PDE1A: variants seen among roughly 807,000 people sequenced by gnomAD.
PDE1A encodes the protein dual specificity calcium/calmodulin-dependent 3',5'-cyclic nucleotide phosphodiesterase 1A.
In PDE1A, 35 loss-of-function variants were observed where a neutral mutation model predicts 61.7. The ratio of observed to expected loss-of-function variants is 0.57; its 90% CI spans 0.43 to 0.75. PDE1A has a LOEUF of 0.75. Ranked by LOEUF, PDE1A falls within the 30% of genes least tolerant of loss-of-function variation. PDE1A has a pLI of 0.00. For missense variants in PDE1A, 597 were observed against 630.6 expected (o/e 0.95, Z 0.57); for synonymous variants, 232 against 213.2 (o/e 1.09, Z -0.77).
At chr2:182,335,123 A>T (rs1000113148) in intron 1 of PDE1A, among the ~76,000 whole-genome samples, 1 of 152,220 alleles carries the variant, frequency 6.6e-6, no homozygotes, top group Non-Finnish European at 1.5e-5. Context: ...GAGAGGACAC[A>T]AACAAATGGA....
the PDE1A span, among the ~76,000 whole-genome samples, chr2:182,597,918 T>G: frequency 6.6e-6 from 1 of 152,364 alleles, no homozygotes; most frequent in East Asian, 1.9e-4. Flanking sequence ...AAATCCTCTT[T>G]TCACCAAATT....
At chr2:182,527,693 T>A (rs942654781), upstream of PDE1A, among the ~76,000 whole-genome samples, 5 of 151,944 alleles carry the variant, frequency 3.3e-5, no homozygotes, top group Admixed American at 2.6e-4. Context: ...TCTAATATGG[T>A]TTGGCTGTGT....
chr2:182,671,338 A>ATTTTTTTTTTT, the PDE1A span, among the ~76,000 whole-genome samples: 147 of 75,208 alleles, frequency 2.0e-3, no homozygotes, highest in East Asian at 2.7e-3. Context: ...CGACTGGCTA[A>ATTTTTTTTTTT]TTTTTTTTTT....
chr2:182,622,632 C>G, the PDE1A span, among the ~76,000 whole-genome samples: 1 of 152,128 alleles, frequency 6.6e-6, no homozygotes, highest in Non-Finnish European at 1.5e-5. Context: ...CAAATTGGTT[C>G]ATACCATCCT....
chr2:182,667,957 C>A, the PDE1A span, among the ~76,000 whole-genome samples: 1 of 152,016 alleles, frequency 6.6e-6, no homozygotes, highest in Non-Finnish European at 1.5e-5. Context: ...TTAGAGTCTG[C>A]TAAGGGAAAG....
At chr2:182,557,507 T>C in the PDE1A span, among the ~76,000 whole-genome samples, 2 of 151,232 alleles carry the variant, frequency 1.3e-5, no homozygotes, top group Admixed American at 1.3e-4. Flanking sequence ...AGCCTAGGAG[T>C]TCAAGACCAG....
chr2:182,484,687 T>A (rs562854945), intron 2 of PDE1A, among the ~76,000 whole-genome samples: 1 of 151,618 alleles, frequency 6.6e-6, no homozygotes, highest in Admixed American at 6.6e-5. Context: ...AACAACCCCA[T>A]TAAAAAGTGG....
intron 2 of PDE1A, among the ~76,000 whole-genome samples, chr2:182,256,101 A>ATACTT (rs1691787428): frequency 6.3e-5 from 3 of 47,476 alleles, no homozygotes; most frequent in African/African-American, 2.6e-4. Flanking sequence ...TTTTTTTATT[A>ATACTT]TACTTTAAGT....
At chr2:182,400,330 G>C (rs962819867) in intron 1 of PDE1A, among the ~76,000 whole-genome samples, 1 of 152,140 alleles carries the variant, frequency 6.6e-6, no homozygotes, top group Admixed American at 6.6e-5. Flanking sequence ...ATGGTGGCAA[G>C]ACACTTTCAC....
At chr2:182,704,523 G>C in the PDE1A span, among the ~76,000 whole-genome samples, 1 of 152,126 alleles carries the variant, frequency 6.6e-6, no homozygotes, top group Non-Finnish European at 1.5e-5. Context: ...AATTTTCTTT[G>C]TAATCTTTGT....
chr2:182,218,096 A>T lies in PDE1A; in HGVS notation c.776+5768T>A, dbSNP rs559412923. Among the ~76,000 whole-genome samples the T allele has an allele frequency of 1.5e-3, 224 of 150,574 alleles. 2 individuals carry two copies. Among genetic ancestry groups the T allele is most frequent in the African/African-American group, 5.4e-3 (219 of 40,806 alleles). On this transcript the variant is annotated intron_variant, in intron 7 of 13. Transcript: ENST00000351439. ...ATGGAATACTATGCAGCCATAAAAA[A>T]TGATGAGTTCATGTCCTTTGTAGGG... is the stretch of plus-strand genomic sequence containing the variant.
chr2:182,606,203 G>A, the PDE1A span, among the ~76,000 whole-genome samples: 85,048 of 151,984 alleles, frequency 0.56, 24,151 homozygotes, highest in Admixed American at 0.67. Context: ...ATGGAGTCTC[G>A]CCCTTCACCC....
chr2:182,219,917 C>CTAT (rs1250115553), intron 7 of PDE1A, among the ~76,000 whole-genome samples: 1 of 151,998 alleles, frequency 6.6e-6, no homozygotes, highest in Non-Finnish European at 1.5e-5. Flanking sequence ...ACAATAAAAA[C>CTAT]TATTTAATAA....
At chr2:182,167,604 C>G (rs1302261117), downstream of PDE1A, among the ~76,000 whole-genome samples, 2 of 152,098 alleles carry the variant, frequency 1.3e-5, no homozygotes, top group African/African-American at 4.8e-5. Context: ...CCCAACTACC[C>G]TTTCCCTCTT....
chr2:182,590,363 T>C, the PDE1A span, among the ~76,000 whole-genome samples: 16 of 152,046 alleles, frequency 1.1e-4, no homozygotes, highest in South Asian at 8.3e-4. Context: ...AGCTACTCAG[T>C]AGACTGAGGT....
intron 2 of PDE1A, among the ~76,000 whole-genome samples, chr2:182,256,170 G>A: frequency 7.1e-6 from 1 of 140,098 alleles, no homozygotes; most frequent in Non-Finnish European, 1.5e-5. Context: ...GTGCCATGCT[G>A]GTGCGCTGCA....
the PDE1A span, among the ~76,000 whole-genome samples, chr2:182,567,379 T>C: frequency 1.3e-5 from 2 of 152,214 alleles, no homozygotes; most frequent in African/African-American, 2.4e-5. Context: ...GTACTATTCA[T>C]TTACTTTTCT....
intron 13 of PDE1A, among the ~76,000 whole-genome samples, chr2:182,156,123 A>AT (rs1164567214): frequency 4.6e-5 from 7 of 152,164 alleles, no homozygotes; most frequent in African/African-American, 1.7e-4. Flanking sequence ...GTCTATATGT[A>AT]TTTTAGCATG....
the PDE1A span, among the ~76,000 whole-genome samples, chr2:182,682,575 A>G: frequency 6.6e-6 from 1 of 152,204 alleles, no homozygotes; most frequent in East Asian, 1.9e-4. Flanking sequence ...CTCAAGTTCT[A>G]AGACTGGGAG....
Sources: gnomAD v4.1 joint callset for allele counts (sites outside exome capture counted in the v4.1 genomes callset) on GRCh38, gnomAD v4.1.1 for gene constraint, MANE v1.5 for transcripts, NCBI Gene and HGNC (gene_info 2026-07-23, HGNC 2026-07-21) for gene names.